Variants in ACOXL observed in about 807,000 individuals in gnomAD.
ACOXL encodes acyl-coenzyme A oxidase-like protein.
In ACOXL, 70 loss-of-function variants were observed where a neutral mutation model predicts 71.9. The observed-to-expected ratio is 0.97, with a 90% CI of 0.80 to 1.19. The LOEUF is 1.19. Ranked by LOEUF, ACOXL falls within the 50% of genes most tolerant of loss-of-function variation. The pLI is 0.00. For synonymous variants in ACOXL, 253 were observed against 281.6 expected, an observed-to-expected ratio of 0.90 and a Z score of 1.02; for missense variants, 703 against 736.3, an observed-to-expected ratio of 0.95 and a Z score of 0.52.
intron 17 of ACOXL, among the ~76,000 whole-genome samples, chr2:111,095,073 T>C (rs749375894): frequency 6.6e-6 from 1 of 152,172 alleles, no homozygotes; most frequent in Non-Finnish European, 1.5e-5. Flanking sequence ...CCAGCACAGA[T>C]TCACAGCTGG....
At chr2:110,896,589 A>C (rs977841664) in intron 10 of ACOXL, among the ~76,000 whole-genome samples, 1 of 152,206 alleles carries the variant, frequency 6.6e-6, no homozygotes, top group Non-Finnish European at 1.5e-5. Flanking sequence ...CTTAAATTTC[A>C]TATAAAGTAG....
intron 12 of ACOXL, among the ~76,000 whole-genome samples, chr2:110,967,404 CTAGCATTTGTAT>C (rs1340888651): frequency 1.3e-5 from 2 of 152,110 alleles, no homozygotes; most frequent in Non-Finnish European, 2.9e-5. Flanking sequence ...AACAAAAGAG[CTAGCATTTGTAT>C]TATCAGAGTC....
chr2:110,744,115 AAGAG>A (rs144357784), intron 1 of ACOXL, among the ~76,000 whole-genome samples: 4 of 151,338 alleles, frequency 2.6e-5, no homozygotes, highest in African/African-American at 4.8e-5. Context: ...TCAGTGGAGA[AAGAG>A]AGAGAGAGAG....
Position 110,976,527 on chromosome 2 carries a change from T to C in ACOXL, c.1060-10581T>C, listed in dbSNP as rs538344273. Among the ~76,000 whole-genome samples, 6 of 152,362 alleles carry C rather than the reference T, an allele frequency of 3.9e-5. 1 individual carries two copies. The highest frequency in any genetic ancestry group is 6.8e-3 in the Middle Eastern group (2 of 294). ...AAATGCACTATAAGTTCACTTGATATGCATTTTCTGAAAAATGTTACTTGT... is the reference window on the plus strand; with the variant it reads ...AAATGCACTATAAGTTCACTTGATACGCATTTTCTGAAAAATGTTACTTGT... On this transcript the variant is annotated intron_variant, in intron 12 of 17. Transcript: ENST00000439055.
Position 111,115,746 on chromosome 2 carries a change from T to C in ACOXL, c.1543-1870T>C, listed in dbSNP as rs549182867. Among the ~76,000 whole-genome samples, 37 of 152,352 alleles carry C rather than the reference T, an allele frequency of 2.4e-4. No homozygotes were observed. In the South Asian group the frequency reaches 6.6e-3, roughly 27 times the overall value. On this transcript the variant is annotated intron_variant, in intron 17 of 17. Transcript: ENST00000439055. ...AGTATTTTAAACTGCTCCAGAACTTTAGATTTAGAAAGAATCTTGGCAGTC... is the reference window on the plus strand; with the variant it reads ...AGTATTTTAAACTGCTCCAGAACTTCAGATTTAGAAAGAATCTTGGCAGTC...
intron 10 of ACOXL, among the ~76,000 whole-genome samples, chr2:110,857,868 G>T (rs1305009114): frequency 6.6e-6 from 1 of 152,044 alleles, no homozygotes; most frequent in African/African-American, 2.4e-5. Context: ...TGGAAGCATA[G>T]GCGTGTACCA....
chr2:111,117,083 T>A (rs2070409257), intron 17 of ACOXL, among the ~76,000 whole-genome samples: 1 of 152,226 alleles, frequency 6.6e-6, no homozygotes, highest in South Asian at 2.1e-4. Flanking sequence ...AATCATGGCC[T>A]ACTGCCAGCC....
At chr2:110,844,397 A>G (rs1416414279) in intron 10 of ACOXL, among the ~76,000 whole-genome samples, 1 of 152,072 alleles carries the variant, frequency 6.6e-6, no homozygotes, top group Admixed American at 6.5e-5. Flanking sequence ...GGAAATCCCC[A>G]TTTTCCCAGA....
At chr2:111,113,383 G>C (rs1469572767) in intron 17 of ACOXL, among the ~76,000 whole-genome samples, 1 of 152,168 alleles carries the variant, frequency 6.6e-6, no homozygotes, top group Non-Finnish European at 1.5e-5. Context: ...AGTTGTCCAG[G>C]AAATGTCAGC....
intron 12 of ACOXL, among the ~76,000 whole-genome samples, chr2:110,951,658 G>C (rs571311769): frequency 6.6e-6 from 1 of 152,170 alleles, no homozygotes; most frequent in African/African-American, 2.4e-5. Context: ...TTGTGCATGT[G>C]TGCATTTATT....
At chr2:111,028,328 G>A (rs185465441) in intron 14 of ACOXL, among the ~76,000 whole-genome samples, 4 of 151,998 alleles carry the variant, frequency 2.6e-5, no homozygotes, top group South Asian at 2.1e-4. Context: ...GTGTCACCCA[G>A]GCTAGAGTGC....
chr2:110,784,599 C>A, intron 2 of ACOXL, 133 bp from the exon 3 acceptor site: 1 of 609,328 alleles, frequency 1.6e-6, no homozygotes, highest in South Asian at 3.4e-5. Context: ...GGAATTGTTT[C>A]TTAATTTAAA....
chr2:110,993,765 G>A (rs967575272), intron 13 of ACOXL, among the ~76,000 whole-genome samples: 1 of 152,128 alleles, frequency 6.6e-6, no homozygotes, highest in Non-Finnish European at 1.5e-5. Context: ...TGAGAGTTCT[G>A]GTTTCTCCAG....
intron 12 of ACOXL, among the ~76,000 whole-genome samples, chr2:110,940,278 G>C (rs1459054813): frequency 1.3e-5 from 2 of 152,092 alleles, no homozygotes; most frequent in Non-Finnish European, 2.9e-5. Flanking sequence ...AAACAGAAAG[G>C]GTCTTGCTAT....
chr2:111,014,619 A>G (rs560513554), intron 14 of ACOXL, among the ~76,000 whole-genome samples: 35 of 152,352 alleles, frequency 2.3e-4, no homozygotes, highest in African/African-American at 7.9e-4. Flanking sequence ...GAAACTCATA[A>G]GCTGATTTGA....
intron 10 of ACOXL, among the ~76,000 whole-genome samples, chr2:110,845,290 C>T (rs1691679771): frequency 6.6e-6 from 1 of 152,096 alleles, no homozygotes; most frequent in African/African-American, 2.4e-5. Context: ...GAGGGGAAGG[C>T]TTCATGAAGC....
chr2:111,101,576 A>T (rs1434028757), intron 17 of ACOXL, among the ~76,000 whole-genome samples: 3 of 151,656 alleles, frequency 2.0e-5, no homozygotes, highest in Non-Finnish European at 4.4e-5. Flanking sequence ...CATTCATTGG[A>T]GTGGGGAAGA....
chr2:111,117,959 G>A lies in ACOXL; in HGVS notation c.*143G>A, dbSNP rs890589572. 4 of 1,001,710 alleles carry A rather than the reference G, an allele frequency of 4.0e-6. No homozygotes were observed. The highest frequency in any genetic ancestry group is 3.2e-4 in the Middle Eastern group (1 of 3,118). The allele number at this position is 1,001,710 out of a possible 1,614,324, so 62.1% of individuals were successfully genotyped here. ...ATTTTGGTGGCAAAGCGGAGGTCCC[G>A]CCGAGGCTGGCGAGGTGCGCGGCTG... On this transcript the variant is annotated 3_prime_UTR_variant, in exon 18 of 18. Transcript: ENST00000439055.
chr2:111,041,614 C>G (rs142462154), intron 15 of ACOXL, among the ~76,000 whole-genome samples: 1 of 152,208 alleles, frequency 6.6e-6, no homozygotes, highest in African/African-American at 2.4e-5. Flanking sequence ...GGCTCTACAC[C>G]TTGCTCTTGG....
Sources: allele counts gnomAD v4.1 joint callset (sites outside exome capture counted in the v4.1 genomes callset), GRCh38; gene constraint gnomAD v4.1.1; transcripts MANE v1.5; gene names NCBI Gene and HGNC (gene_info 2026-07-23, HGNC 2026-07-21).